The following NOS1AP variants were observed in gnomAD, a reference collection of about 807,000 sequenced individuals.
The protein encoded by NOS1AP is nitric oxide synthase 1 adaptor protein.
A neutral mutation model predicts 56.2 loss-of-function variants in NOS1AP; 21 were observed. The ratio of observed to expected loss-of-function variants is 0.37; its 90% confidence interval spans 0.26 to 0.54. NOS1AP has a LOEUF of 0.54. Ranked by LOEUF, NOS1AP falls within the 20% of genes least tolerant of loss-of-function variation. The pLI is 0.84. For synonymous variants in NOS1AP, 270 were observed against 274.6 expected (o/e 0.98, Z 0.17); for missense variants, 522 against 657.8 (o/e 0.79, Z 2.26).
chr1:162,207,089 A>G (rs1192232277), intron 2 of NOS1AP, among the ~76,000 whole-genome samples: 1 of 152,250 alleles, frequency 6.6e-6, no homozygotes, highest in Non-Finnish European at 1.5e-5. Context: ...TCACATAATT[A>G]GAGGGTTTGT....
intron 2 of NOS1AP, among the ~76,000 whole-genome samples, chr1:162,212,344 T>C (rs915397650): frequency 7.2e-5 from 11 of 152,182 alleles, no homozygotes; most frequent in Non-Finnish European, 1.3e-4. Flanking sequence ...ACAGTAAACA[T>C]TTAGCACCTG....
chr1:162,110,135 T>A (rs990615908), intron 1 of NOS1AP, among the ~76,000 whole-genome samples: 1 of 152,106 alleles, frequency 6.6e-6, no homozygotes, highest in African/African-American at 2.4e-5. Flanking sequence ...CGCTGCATTC[T>A]ACTGCTTTGC....
At chr1:162,360,532 A>G (rs541607811) in intron 8 of NOS1AP, 2 of 269,708 alleles carry the variant, frequency 7.4e-6, no homozygotes, top group East Asian at 1.0e-4. Context: ...TCCTGAGGAA[A>G]GTGTTAGTAC....
chr1:162,292,966 T>C (rs1571196555), intron 3 of NOS1AP, among the ~76,000 whole-genome samples: 1 of 152,136 alleles, frequency 6.6e-6, no homozygotes, highest in Non-Finnish European at 1.5e-5. Flanking sequence ...GCAGCCAGGG[T>C]GTGAATCTAG....
chr1:162,302,968 A>G (rs1485220589), intron 4 of NOS1AP, among the ~76,000 whole-genome samples: 1 of 152,164 alleles, frequency 6.6e-6, no homozygotes, highest in African/African-American at 2.4e-5. Flanking sequence ...ATTTATTTTG[A>G]GATTCATTCC....
At chr1:162,120,364 T>C (rs1294388879) in intron 1 of NOS1AP, among the ~76,000 whole-genome samples, 1 of 152,198 alleles carries the variant, frequency 6.6e-6, no homozygotes, top group Non-Finnish European at 1.5e-5. Context: ...ATGCAGTTAT[T>C]AAGCTTGTTT....
At chr1:162,334,908 C>T (rs1217249921) in intron 5 of NOS1AP, among the ~76,000 whole-genome samples, 1 of 152,162 alleles carries the variant, frequency 6.6e-6, no homozygotes, top group Non-Finnish European at 1.5e-5. Flanking sequence ...GGGAGACATG[C>T]AGGACAAAAG....
chr1:162,314,579 G>A (rs933836971), intron 4 of NOS1AP, among the ~76,000 whole-genome samples: 4 of 152,204 alleles, frequency 2.6e-5, no homozygotes, highest in African/African-American at 9.6e-5. Flanking sequence ...GAAAGTGTGT[G>A]CAAAATAAAA....
chr1:162,143,072 C>A (rs1285461325), intron 1 of NOS1AP, among the ~76,000 whole-genome samples: 2 of 151,972 alleles, frequency 1.3e-5, no homozygotes, highest in Non-Finnish European at 2.9e-5. Flanking sequence ...CAGTCGGAGG[C>A]AAATGTGACA....
At position 162,233,154 on chromosome 1, in the gene NOS1AP, G is replaced by A. The variant is rs182820869; in HGVS notation, c.178-54190G>A. 3.2e-3 allele frequency among the ~76,000 whole-genome samples: 491 copies of A among 152,298 alleles called. 9 individuals carry two copies. Among genetic ancestry groups the A allele is most frequent in the Non-Finnish European group, 2.5e-3 (170 of 68,030 alleles). On this transcript the variant is annotated intron_variant, in intron 2 of 9. Transcript: ENST00000361897. The stretch of plus-strand genomic sequence containing the variant: ...AGGTCTGAGGTAGGGCCAAGCACTG[G>A]CATTTCTAAGTTCCCAGGTTATACT...
chr1:162,081,775 T>TATATATAGATACATATA (rs1553254645), intron 1 of NOS1AP, among the ~76,000 whole-genome samples: 2 of 19,518 alleles, frequency 1.0e-4, no homozygotes, highest in African/African-American at 1.7e-4. Flanking sequence ...TATATATATA[T>TATATATAGATACATATA]TTTTTTTTTG....
chr1:162,207,441 A>G (rs1652196233), intron 2 of NOS1AP, among the ~76,000 whole-genome samples: 1 of 152,234 alleles, frequency 6.6e-6, no homozygotes, highest in Non-Finnish European at 1.5e-5. Context: ...TAGTGTGGGA[A>G]CAGCAGAGCT....
intron 2 of NOS1AP, among the ~76,000 whole-genome samples, chr1:162,239,686 G>A (rs184520404): frequency 2.0e-5 from 3 of 152,154 alleles, no homozygotes; most frequent in Non-Finnish European, 2.9e-5. Flanking sequence ...GTACCTGGAG[G>A]AGTCACATAT....
chr1:162,228,687 G>T (rs905853112), intron 2 of NOS1AP, among the ~76,000 whole-genome samples: 1 of 152,222 alleles, frequency 6.6e-6, no homozygotes, highest in Non-Finnish European at 1.5e-5. Context: ...ATGGATCAAG[G>T]TTCCTTTTCT....
chr1:162,304,939 C>T (rs1347784430), intron 4 of NOS1AP, among the ~76,000 whole-genome samples: 1 of 152,010 alleles, frequency 6.6e-6, no homozygotes, highest in Non-Finnish European at 1.5e-5. Flanking sequence ...CTGAAGGGAC[C>T]ACTCTGGTTT....
intron 3 of NOS1AP, among the ~76,000 whole-genome samples, chr1:162,287,842 C>A (rs1655141058): frequency 6.6e-6 from 1 of 152,162 alleles, no homozygotes; most frequent in Non-Finnish European, 1.5e-5. Context: ...GATTGCAGGA[C>A]CATCCTTCAG....
At chr1:162,088,689 C>A (rs1386306082) in intron 1 of NOS1AP, among the ~76,000 whole-genome samples, 1 of 152,080 alleles carries the variant, frequency 6.6e-6, no homozygotes, top group Non-Finnish European at 1.5e-5. Context: ...GGCAGCAGGC[C>A]AAGACGGTTT....
intron 2 of NOS1AP, among the ~76,000 whole-genome samples, chr1:162,202,745 G>A (rs936688811): frequency 1.3e-5 from 2 of 152,158 alleles, no homozygotes; most frequent in Admixed American, 6.5e-5. Flanking sequence ...TTACAGAAAT[G>A]TTATACCTGT....
rs1460231612 is a variant in NOS1AP, at chr1:162,318,042, G to A, written c.345-14975G>A. ...GGGTAGGACTGGCCCCCACCTTAGT[G>A]GCAGGTTCATAGTTGGTGCTGTCTC... On this transcript the variant is annotated intron_variant, in intron 4 of 9. Coordinates refer to ENST00000361897, the MANE Select transcript of NOS1AP (RefSeq NM_014697.3). 2.6e-5 allele frequency among the ~76,000 whole-genome samples: 4 copies of A among 152,174 alleles called. No homozygotes were observed. The East Asian group carries it at 7.7e-4, about 29-fold the overall frequency.
Sources: allele counts gnomAD v4.1 joint callset (sites outside exome capture counted in the v4.1 genomes callset), GRCh38; gene constraint gnomAD v4.1.1; transcripts MANE v1.5; gene names NCBI Gene and HGNC (gene_info 2026-07-23, HGNC 2026-07-21).